The following PRKAR1B variants were observed in gnomAD, a reference collection of about 807,000 sequenced individuals.
PRKAR1B encodes protein kinase cAMP-dependent type I regulatory subunit beta.
In PRKAR1B, 22 loss-of-function variants were observed where a neutral mutation model predicts 46.5. The observed-to-expected ratio is 0.47, with a 90% confidence interval of 0.34 to 0.68. The LOEUF is 0.68. Among genes scored for constraint, PRKAR1B ranks in the 30% least tolerant of loss-of-function variants. PRKAR1B has a pLI of 0.01. For missense variants in PRKAR1B, 445 were observed against 535.6 expected (o/e 0.83, Z 1.67); for synonymous variants, 259 against 217.7 (o/e 1.19, Z -1.67).
intron 2 of PRKAR1B, among the ~76,000 whole-genome samples, chr7:701,074 G>T (rs1780032338): frequency 6.6e-6 from 1 of 152,014 alleles, no homozygotes; most frequent in South Asian, 2.1e-4. Context: ...TGCAATCCCA[G>T]CTACTCGGGA....
At chr7:685,914 A>C (rs575649169) in intron 2 of PRKAR1B, among the ~76,000 whole-genome samples, 3 of 152,328 alleles carry the variant, frequency 2.0e-5, no homozygotes, top group Admixed American at 6.5e-5. Flanking sequence ...CAATATGGAC[A>C]ATGCAAAATG....
At chr7:680,890 C>CT (rs1206334312) in intron 2 of PRKAR1B, among the ~76,000 whole-genome samples, 164 bp from the exon 3 acceptor site, 9 of 152,158 alleles carry the variant, frequency 5.9e-5, no homozygotes, top group South Asian at 2.1e-4. Flanking sequence ...ACCCAAATCT[C>CT]TTTTTCTGTC....
At chr7:591,648 G>C (rs144598675) in intron 7 of PRKAR1B, among the ~76,000 whole-genome samples, 1 of 152,310 alleles carries the variant, frequency 6.6e-6, no homozygotes, top group East Asian at 1.9e-4. Flanking sequence ...TCATGAGTTT[G>C]AGACCAGCTT....
chr7:617,295 G>T (rs1019614611), intron 4 of PRKAR1B, among the ~76,000 whole-genome samples: 4 of 121,588 alleles, frequency 3.3e-5, no homozygotes, highest in Admixed American at 1.9e-4. Flanking sequence ...GCAGGACCAA[G>T]TGCCTTTTTT....
chr7:648,656 C>T (rs2128488796), intron 4 of PRKAR1B, among the ~76,000 whole-genome samples: 1 of 152,030 alleles, frequency 6.6e-6, no homozygotes. Flanking sequence ...GGTGGCAGTG[C>T]CTGTAATCCC....
At chr7:583,564 AC>A (rs1780393748) in intron 8 of PRKAR1B, among the ~76,000 whole-genome samples, 1 of 53,636 alleles carries the variant, frequency 1.9e-5, no homozygotes, top group Non-Finnish European at 3.9e-5. Flanking sequence ...ATGCGTGCAC[AC>A]CCATGCACAC....
At chr7:645,780 G>C (rs1784592292) in intron 4 of PRKAR1B, among the ~76,000 whole-genome samples, 1 of 152,092 alleles carries the variant, frequency 6.6e-6, no homozygotes, top group South Asian at 2.1e-4. Flanking sequence ...GCGTCTACTG[G>C]GAGGGGACCG....
At chr7:628,120 C>T (rs1376203327) in intron 4 of PRKAR1B, among the ~76,000 whole-genome samples, 1 of 152,206 alleles carries the variant, frequency 6.6e-6, no homozygotes, top group Non-Finnish European at 1.5e-5. Context: ...AACCAGCCAT[C>T]CACGGCCACG....
chr7:678,811 C>T (rs185232643), intron 3 of PRKAR1B, among the ~76,000 whole-genome samples: 57 of 152,336 alleles, frequency 3.7e-4, no homozygotes, highest in Admixed American at 5.9e-4. Flanking sequence ...GTTGGATGGG[C>T]GTGGTGGCTC....
At chr7:677,588 G>T (rs1778408365) in intron 3 of PRKAR1B, among the ~76,000 whole-genome samples, 2 of 152,004 alleles carry the variant, frequency 1.3e-5, no homozygotes, top group South Asian at 4.2e-4. Flanking sequence ...CACCACACTT[G>T]GCTAACTTTT....
chr7:718,289 CACACACAT>C (rs1322281262), intron 1 of PRKAR1B, among the ~76,000 whole-genome samples: 653 of 109,916 alleles, frequency 5.9e-3, no homozygotes, highest in Non-Finnish European at 8.2e-3. Flanking sequence ...CACACACACA[CACACACAT>C]ACACATATAT....
intron 4 of PRKAR1B, among the ~76,000 whole-genome samples, chr7:660,543 C>A (rs571028162): frequency 6.1e-4 from 75 of 123,302 alleles, no homozygotes; most frequent in Middle Eastern, 4.2e-3. Context: ...GGTCCCCACC[C>A]CAACGGGTCC....
intron 4 of PRKAR1B, among the ~76,000 whole-genome samples, chr7:668,272 C>T (rs973466868): frequency 9.9e-5 from 15 of 152,222 alleles, no homozygotes; most frequent in African/African-American, 3.4e-4. Flanking sequence ...CGCCAAACCA[C>T]AGCTGAGCAG....
rs1480319690 is a variant in PRKAR1B, at chr7:556,334, G to A, written c.892-4864C>T. 1.0e-4 allele frequency among the ~76,000 whole-genome samples: 4 copies of A among 39,186 alleles called. No homozygotes were observed. In the South Asian group the frequency reaches 2.7e-3, roughly 26 times the overall value. 25.7% of individuals were successfully genotyped at this position (39,186 alleles called of 152,430 possible). A position where few individuals can be genotyped will look rare whatever the true frequency, so the allele number is the denominator to read the frequency against. On this transcript the variant is annotated intron_variant, in intron 9 of 10. Transcript: ENST00000537384. ...CCACCAAAGCAAACCCACCCACCCC[G>A]ACCCCAATCACCCCCAAACACAGCT...
chr7:550,330 C>A lies in PRKAR1B; in HGVS notation c.*100G>T. On this transcript the variant is annotated 3_prime_UTR_variant, in exon 11 of 11. Coordinates refer to ENST00000537384, the MANE Select transcript of PRKAR1B (RefSeq NM_001164760.2). ...TCACGCTGCCGGGACCCAGCCCCAC[C>A]CGGCCCACACCTCACACAGCGGCTC... is the stretch of plus-strand genomic sequence containing the variant. 5.3e-6 allele frequency: 6 copies of A among 1,135,052 alleles called. No homozygotes were observed. Among genetic ancestry groups the A allele is most frequent in the South Asian group, 1.5e-5 (1 of 68,316 alleles). 70.3% of individuals were successfully genotyped at this position (1,135,052 alleles called of 1,614,324 possible).
chr7:590,821 G>A (rs1249078189), intron 7 of PRKAR1B, among the ~76,000 whole-genome samples: 1 of 152,104 alleles, frequency 6.6e-6, no homozygotes, highest in Non-Finnish European at 1.5e-5. Context: ...ACCCGCTGCG[G>A]GTGCCTGAAC....
chr7:627,855 T>G (rs1252728852), intron 4 of PRKAR1B, among the ~76,000 whole-genome samples: 1 of 152,154 alleles, frequency 6.6e-6, no homozygotes, highest in Non-Finnish European at 1.5e-5. Context: ...ATTTTCCGAG[T>G]GCCCGCTATG....
chr7:728,263 G>A (rs1306263806), upstream of PRKAR1B, among the ~76,000 whole-genome samples: 1 of 152,172 alleles, frequency 6.6e-6, no homozygotes, highest in Non-Finnish European at 1.5e-5. Context: ...TTCCGAAGGA[G>A]GGAACACTGA....
At chr7:677,176 C>T (rs560063004) in intron 4 of PRKAR1B, 53 bp downstream of exon 4, 24 of 1,563,732 alleles carry the variant, frequency 1.5e-5, no homozygotes, top group Admixed American at 8.4e-5. Context: ...GCCCACCTCC[C>T]GGAGGCCGAG....
Sources: allele counts gnomAD v4.1 joint callset (sites outside exome capture counted in the v4.1 genomes callset), GRCh38; gene constraint gnomAD v4.1.1; transcripts MANE v1.5; gene names NCBI Gene and HGNC (gene_info 2026-07-23, HGNC 2026-07-21).